The following LAPTM4B variants were observed in gnomAD, a reference collection of about 807,000 sequenced individuals.
The protein encoded by LAPTM4B is lysosomal-associated transmembrane protein 4B.
Under a neutral mutation model 28.5 loss-of-function variants are expected in LAPTM4B, and 26 were observed. The observed-to-expected ratio is 0.91, with a 90% CI of 0.67 to 1.27. The LOEUF (loss-of-function observed/expected upper bound fraction) is 1.27. Ranked by LOEUF, LAPTM4B falls within the 50% of genes most tolerant of loss-of-function variation. The pLI is 0.00. For synonymous variants in LAPTM4B, 109 were observed against 106.4 expected, an observed-to-expected ratio of 1.02 and a Z score of -0.15; for missense variants, 288 against 285.8, an observed-to-expected ratio of 1.01 and a Z score of -0.06.
At chr8:97,820,853 C>T (rs1174934274) in intron 5 of LAPTM4B, among the ~76,000 whole-genome samples, 2 of 151,890 alleles carry the variant, frequency 1.3e-5, no homozygotes, top group African/African-American at 4.8e-5. Context: ...CTCAGTCTCA[C>T]GAGTAGCTGG....
intron 2 of LAPTM4B, among the ~76,000 whole-genome samples, chr8:97,808,850 A>G (rs1816790040): frequency 6.6e-6 from 1 of 152,068 alleles, no homozygotes. Context: ...GGTCCCAGCT[A>G]CTTGGGAGGC....
chr8:97,830,577 C>T (rs1817168698), intron 6 of LAPTM4B, among the ~76,000 whole-genome samples: 1 of 152,012 alleles, frequency 6.6e-6, no homozygotes, highest in African/African-American at 2.4e-5. Context: ...TTCAGGAATG[C>T]GAGTAAGTTG....
intron 2 of LAPTM4B, among the ~76,000 whole-genome samples, chr8:97,807,535 T>G (rs1172257139): frequency 6.6e-6 from 1 of 152,214 alleles, no homozygotes; most frequent in East Asian, 1.9e-4. Context: ...ATTATCTAGA[T>G]TGTTATGGCT....
chr8:97,804,421 G>A (rs2513951), intron 1 of LAPTM4B, among the ~76,000 whole-genome samples: 151,987 of 152,342 alleles, frequency 1, 75,822 homozygotes, highest in Middle Eastern at 1. Flanking sequence ...ATCAAGTTTC[G>A]TATATGGACA....
intron 6 of LAPTM4B, among the ~76,000 whole-genome samples, chr8:97,832,676 T>TTTTTATTTTATTTCA (rs1554592876): frequency 8.0e-5 from 9 of 113,094 alleles, no homozygotes; most frequent in African/African-American, 2.9e-4. Context: ...TATTTATTTA[T>TTTTTATTTTATTTCA]TTTTATTTTA....
At chr8:97,813,480 A>C (rs1042154032) in intron 2 of LAPTM4B, among the ~76,000 whole-genome samples, 5 of 152,188 alleles carry the variant, frequency 3.3e-5, no homozygotes, top group African/African-American at 1.2e-4. Flanking sequence ...CCACTGACTG[A>C]AATGTTAATC....
rs34322160 is a variant in LAPTM4B at position 97,782,279 on chromosome 8, C to CTTTT, written c.99+6195_99+6198dup. On this transcript the variant is annotated intron_variant, in intron 1 of 6. Transcript: ENST00000521545. ...TACAGGCCTGAGCCACCATGCCCAG[C>CTTTT]TTTTTTTTTTTTTTTTTTTTTTTTT... is the stretch of plus-strand genomic sequence containing the variant. 8.7e-3 allele frequency among the ~76,000 whole-genome samples: 435 copies of CTTTT among 50,250 alleles called. 114 individuals are homozygous for CTTTT. The highest frequency in any genetic ancestry group is 0.027 in the African/African-American group (386 of 14,184). The allele number at this position is 50,250 out of a possible 152,430, so 33.0% of individuals were successfully genotyped here.
chr8:97,801,843 C>CG (rs780451495), intron 1 of LAPTM4B, among the ~76,000 whole-genome samples: 3,632 of 131,344 alleles, frequency 0.028, 173 homozygotes, highest in African/African-American at 0.1. Context: ...AACTCCATCT[C>CG]AAAAAAAAAA....
At chr8:97,789,525 ATTT>A (rs113511742) in intron 1 of LAPTM4B, among the ~76,000 whole-genome samples, 4 of 130,834 alleles carry the variant, frequency 3.1e-5, no homozygotes, top group Admixed American at 7.7e-5. Context: ...TACCTGGCTA[ATTT>A]TTTTTTTTTT....
chr8:97,823,344 G>GTTTT (rs10561869), intron 5 of LAPTM4B, among the ~76,000 whole-genome samples: 17 of 109,218 alleles, frequency 1.6e-4, no homozygotes, highest in African/African-American at 1.9e-4. Context: ...ATACAATATG[G>GTTTT]TTTTTTTTTT....
At chr8:97,780,797 G>A (rs1816295981) in intron 1 of LAPTM4B, among the ~76,000 whole-genome samples, 1 of 152,010 alleles carries the variant, frequency 6.6e-6, no homozygotes, top group Admixed American at 6.6e-5. Flanking sequence ...CATGTGTTTT[G>A]GTTTTGTCTT....
chr8:97,816,324 T>A, intron 4 of LAPTM4B, 144 bp downstream of exon 4: 1 of 807,120 alleles, frequency 1.2e-6, no homozygotes, highest in Non-Finnish European at 1.8e-6. Context: ...TTCTTTTTTC[T>A]TTTTTTTGAG....
Position 97,777,138 on chromosome 8 carries a change from T to TG in LAPTM4B, c.99+1030_99+1031insG, listed in dbSNP as rs1491471879. 9.1e-5 allele frequency among the ~76,000 whole-genome samples: 5 copies of TG among 54,728 alleles called. No homozygotes were observed. In the East Asian group the frequency reaches 2.5e-3, roughly 27 times the overall value. The allele number at this position is 54,728 out of a possible 152,430, so 35.9% of individuals were successfully genotyped here. A position where few individuals can be genotyped will look rare whatever the true frequency, so the allele number is the denominator to read the frequency against. On this transcript the variant is annotated intron_variant, in intron 1 of 6. Coordinates refer to ENST00000521545, the MANE Select transcript of LAPTM4B (RefSeq NM_018407.6). ...GCATATATAACTTTTTTCAGTGAGGTTTTTTTTTTTTTTTTTTTTTTTTTT... is the reference window on the plus strand; with the variant it reads ...GCATATATAACTTTTTTCAGTGAGGTGTTTTTTTTTTTTTTTTTTTTTTTTT...
chr8:97,847,902 C>T (rs1463079807), intron 6 of LAPTM4B, among the ~76,000 whole-genome samples: 2 of 152,142 alleles, frequency 1.3e-5, no homozygotes, highest in African/African-American at 4.8e-5. Context: ...AAATTCTTCT[C>T]CAGGCATCTT....
At chr8:97,812,961 C>G (rs527963398) in intron 2 of LAPTM4B, among the ~76,000 whole-genome samples, 58 of 152,356 alleles carry the variant, frequency 3.8e-4, no homozygotes, top group Middle Eastern at 6.8e-3. Flanking sequence ...AAACTGTGTA[C>G]ATTTCCCTAC....
chr8:97,801,865 T>G (rs1457401442), intron 1 of LAPTM4B, among the ~76,000 whole-genome samples: 1 of 145,636 alleles, frequency 6.9e-6, no homozygotes, highest in Admixed American at 6.8e-5. Context: ...AAAAAAAGTA[T>G]AGAGGGATTG....
At chr8:97,781,483 GGCCA>G (rs1816319170) in intron 1 of LAPTM4B, among the ~76,000 whole-genome samples, 1 of 149,356 alleles carries the variant, frequency 6.7e-6, no homozygotes, top group Non-Finnish European at 1.5e-5. Context: ...TCATTATGTT[GGCCA>G]GGCTGGTCTT....
chr8:97,838,713 G>A (rs1262781386), intron 6 of LAPTM4B, among the ~76,000 whole-genome samples: 1 of 152,198 alleles, frequency 6.6e-6, no homozygotes, highest in African/African-American at 2.4e-5. Flanking sequence ...TGCCCAGGAT[G>A]AGGAGTGAAA....
chr8:97,776,080 G>A lies in LAPTM4B; in HGVS notation c.71G>A (p.Gly24Asp). 3 of 1,586,810 alleles carry A rather than the reference G, an allele frequency of 1.9e-6. No homozygotes were observed. The highest frequency in any genetic ancestry group is 2.4e-5 in the East Asian group (1 of 41,364). The change falls in exon 1 of 7, where the codon GGC becomes GAC. Residue 24 changes from glycine (G) to aspartate (D), a missense_variant. Coordinates refer to ENST00000521545, the MANE Select transcript of LAPTM4B (RefSeq NM_018407.6). ...SCCLCCHVRTGTILLGVWYLI... is the reference protein window; with the variant it reads ...SCCLCCHVRTDTILLGVWYLI... ...TGCTTGTGCTGCCATGTCCGCACCGGCACCATCCTGCTCGGCGTCTGGTAT... is the reference window on the plus strand; with the variant it reads ...TGCTTGTGCTGCCATGTCCGCACCGACACCATCCTGCTCGGCGTCTGGTAT...
Sources: gnomAD v4.1 joint callset for allele counts (sites outside exome capture counted in the v4.1 genomes callset) on GRCh38, gnomAD v4.1.1 for gene constraint, MANE v1.5 for transcripts, NCBI Gene and HGNC (gene_info 2026-07-23, HGNC 2026-07-21) for gene names.